Variants in CREB5 observed in about 807,000 individuals in gnomAD.
CREB5 encodes cyclic AMP-responsive element-binding protein 5.
Under a neutral mutation model 57.1 loss-of-function variants are expected in CREB5, and 19 were observed. That is an observed-to-expected ratio of 0.33 (90% CI 0.23 to 0.49). The LOEUF is 0.49. CREB5 is among the 20% of genes least tolerant of loss of function. CREB5 has a pLI of 0.99. For missense variants in CREB5, 579 were observed against 671.6 expected, an observed-to-expected ratio of 0.86 and a Z score of 1.52; for synonymous variants, 238 against 238.3, an observed-to-expected ratio of 1.00 and a Z score of 0.01.
At chr7:28,809,928 T>C (rs977835080) in intron 9 of CREB5, among the ~76,000 whole-genome samples, 1 of 152,214 alleles carries the variant, frequency 6.6e-6, no homozygotes, top group African/African-American at 2.4e-5. Context: ...TACTTGATTA[T>C]CTCTATTTTT....
chr7:28,428,923 C>T (rs1788611530), intron 1 of CREB5, among the ~76,000 whole-genome samples: 1 of 152,204 alleles, frequency 6.6e-6, no homozygotes, highest in African/African-American at 2.4e-5. Context: ...CTGCCTAGAC[C>T]ATCCAAGCTT....
chr7:28,432,356 C>A (rs1279433391), intron 1 of CREB5, among the ~76,000 whole-genome samples: 2 of 152,158 alleles, frequency 1.3e-5, no homozygotes, highest in African/African-American at 4.8e-5. Flanking sequence ...CTCAAACAAG[C>A]AGCAATCATT....
chr7:28,348,133 C>T (rs1222606064), intron 1 of CREB5, among the ~76,000 whole-genome samples: 2 of 152,060 alleles, frequency 1.3e-5, no homozygotes, highest in Admixed American at 6.5e-5. Flanking sequence ...CTGGTCAATC[C>T]AGAGGTTTCG....
At chr7:28,806,943 G>A (rs1273215914) in intron 8 of CREB5, among the ~76,000 whole-genome samples, 5 of 152,172 alleles carry the variant, frequency 3.3e-5, no homozygotes, top group Non-Finnish European at 7.3e-5. Flanking sequence ...AAAAATATCC[G>A]AGCAGTTAGC....
At chr7:28,717,088 T>TTTTTTC (rs1422041848) in intron 5 of CREB5, among the ~76,000 whole-genome samples, 2 of 132,998 alleles carry the variant, frequency 1.5e-5, no homozygotes, top group Admixed American at 7.3e-5. Context: ...TTTATATTCT[T>TTTTTTC]TTTTTTTTTT....
chr7:28,307,962 G>A lies in CREB5; in HGVS notation c.-25+8521G>A, dbSNP rs114449627. ...GGAGCTGGTAGATAAGCAGGGCAGC[G>A]CCCAAGGAGGGCTGCTCCAGGCATA... is the stretch of plus-strand genomic sequence containing the variant. On this transcript the variant is annotated intron_variant, in intron 1 of 9. Transcript: ENST00000396299. Among the ~76,000 whole-genome samples the A allele has an allele frequency of 6.6e-3, 1,011 of 152,286 alleles. 12 individuals are homozygous for A. Among genetic ancestry groups the A allele is most frequent in the African/African-American group, 0.023 (965 of 41,568 alleles).
chr7:28,377,948 A>AG (rs1245843100), intron 1 of CREB5, among the ~76,000 whole-genome samples: 5 of 149,680 alleles, frequency 3.3e-5, no homozygotes, highest in South Asian at 2.1e-4. Flanking sequence ...AAAAAAAACA[A>AG]AAAAGAAAAA....
chr7:28,753,365 C>T (rs1426319576), intron 7 of CREB5, among the ~76,000 whole-genome samples: 1 of 152,040 alleles, frequency 6.6e-6, no homozygotes, highest in Non-Finnish European at 1.5e-5. Context: ...CCTAATCTCT[C>T]TCTCGTGCAT....
At chr7:28,491,203 A>T (rs1243560339) in intron 2 of CREB5, 3 of 985,350 alleles carry the variant, frequency 3.0e-6, no homozygotes, top group African/African-American at 1.7e-5. Flanking sequence ...AGTTTTTTTA[A>T]AAATTAAAGG....
At chr7:28,410,978 G>A (rs960125822), upstream of CREB5, among the ~76,000 whole-genome samples, 1 of 151,494 alleles carries the variant, frequency 6.6e-6, no homozygotes, top group Non-Finnish European at 1.5e-5. Flanking sequence ...CCCCGCCCCC[G>A]CCTTTTTACA....
intron 5 of CREB5, among the ~76,000 whole-genome samples, chr7:28,697,472 T>C (rs1801635886): frequency 6.6e-6 from 1 of 152,186 alleles, no homozygotes; most frequent in Non-Finnish European, 1.5e-5. Flanking sequence ...AACAGATCCC[T>C]GACTGGTCCA....
At chr7:28,341,096 G>A (rs981357272) in intron 1 of CREB5, among the ~76,000 whole-genome samples, 8 of 152,076 alleles carry the variant, frequency 5.3e-5, no homozygotes, top group Admixed American at 2.6e-4. Flanking sequence ...TACTGTGACC[G>A]CTCATCTGAT....
At chr7:28,756,511 A>G (rs1036249005) in intron 7 of CREB5, among the ~76,000 whole-genome samples, 2 of 151,478 alleles carry the variant, frequency 1.3e-5, no homozygotes, top group Non-Finnish European at 2.9e-5. Flanking sequence ...AGCTGAGATC[A>G]CACCACTGCA....
chr7:28,672,785 C>T (rs1278100462), intron 5 of CREB5, among the ~76,000 whole-genome samples: 1 of 152,204 alleles, frequency 6.6e-6, no homozygotes, highest in Non-Finnish European at 1.5e-5. Flanking sequence ...AAGCAAGCAG[C>T]TTAACTTCTC....
Position 28,600,615 on chromosome 7 carries a change from G to A in CREB5, c.464+30078G>A, listed in dbSNP as rs914564238. 2.6e-4 allele frequency among the ~76,000 whole-genome samples: 40 copies of A among 152,116 alleles called. 1 individual carries two copies. The highest frequency in any genetic ancestry group is 8.0e-4 in the African/African-American group (33 of 41,420). The stretch of plus-strand genomic sequence containing the variant: ...GCCAGACAGACTTCTGAAGATTTTC[G>A]TTTGCAGCAAGATTTGGAGTGAGGC... On this transcript the variant is annotated intron_variant, in intron 5 of 10. Coordinates refer to ENST00000357727, the MANE Select transcript of CREB5 (RefSeq NM_182898.4).
chr7:28,339,373 T>G (rs1785889145), intron 1 of CREB5, among the ~76,000 whole-genome samples: 1 of 152,242 alleles, frequency 6.6e-6, no homozygotes, highest in Non-Finnish European at 1.5e-5. Flanking sequence ...ACTACGATTC[T>G]TGCAGACTTT....
At chr7:28,449,457 C>A (rs138002107) in intron 1 of CREB5, among the ~76,000 whole-genome samples, 3 of 152,136 alleles carry the variant, frequency 2.0e-5, no homozygotes, top group Admixed American at 2.0e-4. Flanking sequence ...CATCGTTTTG[C>A]GTAAGATGGA....
intron 5 of CREB5, among the ~76,000 whole-genome samples, chr7:28,677,684 T>A (rs551113567): frequency 6.6e-6 from 1 of 152,200 alleles, no homozygotes; most frequent in East Asian, 1.9e-4. Flanking sequence ...CCAGCTTAAA[T>A]GCATGCTTTC....
chr7:28,574,140 G>A (rs1320921983), intron 5 of CREB5, among the ~76,000 whole-genome samples: 1 of 152,178 alleles, frequency 6.6e-6, no homozygotes, highest in Non-Finnish European at 1.5e-5. Flanking sequence ...ATTGATGGTA[G>A]CGTTTTCAGA....
Sources: gnomAD v4.1 joint callset for allele counts (sites outside exome capture counted in the v4.1 genomes callset) on GRCh38, gnomAD v4.1.1 for gene constraint, MANE v1.5 for transcripts, NCBI Gene and HGNC (gene_info 2026-07-23, HGNC 2026-07-21) for gene names.